The following LVRN variants were observed in gnomAD, a reference collection of about 807,000 sequenced individuals.
LVRN encodes laeverin.
Under a neutral mutation model 111.4 loss-of-function variants are expected in LVRN, and 99 were observed. The observed-to-expected ratio is 0.89, with a 90% confidence interval of 0.76 to 1.05. LVRN has a LOEUF of 1.05. LVRN is among the 50% of genes least tolerant of loss of function. The pLI is 0.00. For missense variants in LVRN, 1,414 were observed against 1,206.8 expected, an observed-to-expected ratio of 1.17 and a Z score of -2.54; for synonymous variants, 488 against 449.5, an observed-to-expected ratio of 1.09 and a Z score of -1.08.
At chr5:116,010,452 C>G (rs1011257323) in intron 13 of LVRN, 1 of 461,498 alleles carries the variant, frequency 2.2e-6, no homozygotes, top group Non-Finnish European at 4.2e-6. Flanking sequence ...AGAATGCATA[C>G]AGAATGCATA....
chr5:116,017,118 C>T (rs1326754714), intron 18 of LVRN, among the ~76,000 whole-genome samples: 1 of 152,116 alleles, frequency 6.6e-6, no homozygotes, highest in African/African-American at 2.4e-5. Context: ...TGAACAAGCA[C>T]AGTTGCAAAT....
chr5:115,964,514 G>A (rs1468803569), intron 1 of LVRN, among the ~76,000 whole-genome samples: 1 of 152,074 alleles, frequency 6.6e-6, no homozygotes, highest in Admixed American at 6.5e-5. Context: ...CTCAACTTGT[G>A]AAGAAATCTT....
rs780922385 is a variant in LVRN at position 116,003,225 on chromosome 5, C to T, written c.1898-16C>T. 17 of 1,556,726 alleles carry T rather than the reference C, an allele frequency of 1.1e-5. No individual in the cohort carries two copies. Among genetic ancestry groups the T allele is most frequent in the Non-Finnish European group, 1.3e-5 (15 of 1,148,694 alleles). On this transcript the variant is annotated splice_polypyrimidine_tract_variant and intron_variant, in intron 11 of 19. Transcript: ENST00000357872. ...TTAAATGTACCATTTCAAATTATTCCCATATTCCTTTATAGAAGTATTCCC... is the reference window on the plus strand; with the variant it reads ...TTAAATGTACCATTTCAAATTATTCTCATATTCCTTTATAGAAGTATTCCC...
At chr5:116,003,629 TGGAGTGCAGTGACGCGATCTC>T (rs1748290475) in intron 12 of LVRN, among the ~76,000 whole-genome samples, 1 of 150,230 alleles carries the variant, frequency 6.7e-6, no homozygotes. Context: ...TCGCCCAGGC[TGGAGTGCAGTGACGCGATCTC>T]GGCTCACTGC....
At chr5:116,002,703 G>T in intron 10 of LVRN, 132 bp from the exon 11 acceptor site, 1 of 623,526 alleles carries the variant, frequency 1.6e-6, no homozygotes, top group Non-Finnish European at 2.7e-6. Context: ...AAGAGCAAAG[G>T]CCTGCATATC....
At chr5:116,007,785 C>G (rs1182627527) in intron 13 of LVRN, among the ~76,000 whole-genome samples, 1 of 152,224 alleles carries the variant, frequency 6.6e-6, no homozygotes, top group East Asian at 1.9e-4. Context: ...TTTCCAGCAG[C>G]ATGTGCTCAT....
At chr5:115,978,064 CA>C (rs1753484462) in intron 1 of LVRN, among the ~76,000 whole-genome samples, 1 of 152,278 alleles carries the variant, frequency 6.6e-6, no homozygotes, top group African/African-American at 2.4e-5. Flanking sequence ...CAGGTTTAGA[CA>C]GAGTGAACAG....
chr5:115,962,611 C>G lies in LVRN; in HGVS notation c.-7C>G. 6.3e-7 allele frequency: 1 copy of G among 1,589,212 alleles called. No homozygotes were observed. The highest frequency in any genetic ancestry group is 8.5e-7 in the Non-Finnish European group (1 of 1,169,812). On this transcript the variant is annotated 5_prime_UTR_variant, in exon 1 of 20. Transcript: ENST00000357872. Reference sequence around the variant, plus strand: ...CTCCAGCCTCGCGCCTGAACCCGGTCCCTGCCATGGGGCCCCCTTCCAGCT... The same window carrying G: ...CTCCAGCCTCGCGCCTGAACCCGGTGCCTGCCATGGGGCCCCCTTCCAGCT...
intron 18 of LVRN, among the ~76,000 whole-genome samples, chr5:116,017,790 A>T (rs912286021): frequency 6.6e-6 from 1 of 152,214 alleles, no homozygotes; most frequent in African/African-American, 2.4e-5. Flanking sequence ...AATGTTCATT[A>T]TTATTATCTT....
At chr5:115,982,488 C>A (rs1460023569) in intron 1 of LVRN, among the ~76,000 whole-genome samples, 1 of 152,108 alleles carries the variant, frequency 6.6e-6, no homozygotes, top group African/African-American at 2.4e-5. Context: ...CAAGTCTTGG[C>A]AAATGGGATA....
chr5:115,962,822 A>AC lies in LVRN; in HGVS notation c.209dup (p.Lys71GlufsTer78). ...TCCCCTCAGGCAGAAGCCGACGCCA[A>AC]CCCCGAAACCCAGCAGTGCACGCGA... is the stretch of plus-strand genomic sequence containing the variant. On this transcript the variant is annotated frameshift_variant, in exon 1 of 20. Transcript: ENST00000357872. LOFTEE classifies it high-confidence loss of function. 6.2e-7 allele frequency: 1 copy of AC among 1,611,674 alleles called. No individual in the cohort carries two copies. The highest frequency in any genetic ancestry group is 8.5e-7 in the Non-Finnish European group (1 of 1,179,222).
chr5:115,999,263 G>A (rs1748186400), intron 6 of LVRN, among the ~76,000 whole-genome samples: 1 of 152,118 alleles, frequency 6.6e-6, no homozygotes, highest in Non-Finnish European at 1.5e-5. Flanking sequence ...TAATGCATGA[G>A]CCATAAACTG....
At chr5:115,978,353 G>A (rs939830335) in intron 1 of LVRN, among the ~76,000 whole-genome samples, 1 of 152,168 alleles carries the variant, frequency 6.6e-6, no homozygotes, top group African/African-American at 2.4e-5. Context: ...TTCAGATCCT[G>A]TGTCTTTTGA....
chr5:116,000,276 A>T (rs115138397), intron 7 of LVRN, among the ~76,000 whole-genome samples, 157 bp from the exon 8 acceptor site: 78 of 152,360 alleles, frequency 5.1e-4, no homozygotes, highest in African/African-American at 1.8e-3. Context: ...GTGACAGCCT[A>T]CTATTTTGTT....
At chr5:115,987,249 T>G (rs1197053215) in intron 3 of LVRN, among the ~76,000 whole-genome samples, 1 of 152,196 alleles carries the variant, frequency 6.6e-6, no homozygotes, top group African/African-American at 2.4e-5. Flanking sequence ...ATAATTCACT[T>G]GCTTTGACAG....
intron 15 of LVRN, among the ~76,000 whole-genome samples, chr5:116,013,765 G>T (rs1170300220): frequency 4.6e-5 from 7 of 152,088 alleles, no homozygotes; most frequent in Admixed American, 1.3e-4. Context: ...CTGGAGTAGG[G>T]ACCACAAGGC....
At chr5:115,992,018 C>T in intron 4 of LVRN, 105 bp from the exon 5 acceptor site, 2 of 1,077,464 alleles carry the variant, frequency 1.9e-6, no homozygotes, top group Non-Finnish European at 2.6e-6. Flanking sequence ...TATAAATATT[C>T]CCTTGAATTT....
At chr5:116,018,121 C>T (rs144686407) in intron 18 of LVRN, among the ~76,000 whole-genome samples, 5 of 152,058 alleles carry the variant, frequency 3.3e-5, no homozygotes, top group East Asian at 1.9e-4. Context: ...ATTAAAATAA[C>T]GTGTTTATAT....
chr5:115,966,568 A>G (rs1459477796), intron 1 of LVRN, among the ~76,000 whole-genome samples: 3 of 152,186 alleles, frequency 2.0e-5, no homozygotes, highest in African/African-American at 4.8e-5. Context: ...GGCTAGCCTC[A>G]TACTTCTGGC....
Sources: gnomAD v4.1 joint callset for allele counts (sites outside exome capture counted in the v4.1 genomes callset) on GRCh38, gnomAD v4.1.1 for gene constraint, MANE v1.5 for transcripts, NCBI Gene and HGNC (gene_info 2026-07-23, HGNC 2026-07-21) for gene names.